Variants in PCDHGA5 observed in about 807,000 individuals in gnomAD.
PCDHGA5 encodes protocadherin gamma subfamily A, 5.
Under a neutral mutation model 56.7 loss-of-function variants are expected in PCDHGA5, and 36 were observed. The ratio of observed to expected loss-of-function variants is 0.64; its 90% CI spans 0.49 to 0.84. PCDHGA5 has a LOEUF of 0.84. PCDHGA5 is among the 40% of genes least tolerant of loss of function. The pLI, the probability that PCDHGA5 is intolerant of heterozygous loss-of-function variation, is 0.00. For missense variants in PCDHGA5, 1,305 were observed against 1,201.5 expected, an observed-to-expected ratio of 1.09 and a Z score of -1.27; for synonymous variants, 563 against 520.2, an observed-to-expected ratio of 1.08 and a Z score of -1.12.
chr5:141,412,357 T>A (rs756056496), intron 1 of PCDHGA5: 17 of 152,366 alleles, frequency 1.1e-4, no homozygotes, highest in Middle Eastern at 3.4e-3. Context: ...TAGTTTGTGA[T>A]TACCTGCTTA....
At chr5:141,415,737 A>G in intron 1 of PCDHGA5, 1 of 574,948 alleles carries the variant, frequency 1.7e-6, no homozygotes, top group Non-Finnish European at 2.5e-6. Flanking sequence ...GATGTTTATT[A>G]AGGTTTTTTT....
chr5:141,482,530 C>CAAAAAAAAAAAAAAAAA (rs3074545), intron 1 of PCDHGA5, among the ~76,000 whole-genome samples: 1 of 76,562 alleles, frequency 1.3e-5, no homozygotes, highest in African/African-American at 4.8e-5. Flanking sequence ...GACAGACATG[C>CAAAAAAAAAAAAAAAAA]AAAAAAAAAA....
In PCDHGA5 at chr5:141,366,588, A is replaced by G. The variant is rs1222422488; in HGVS notation, c.2258A>G (p.Tyr753Cys). ...GGGGTTCGGGCTTTCCTGCAGACCT[A>G]TTCCCACGAGGTCTCCCTCACCGCG... is the stretch of plus-strand genomic sequence containing the variant. ...VDGVRAFLQT[Y>C]SHEVSLTADS... The change falls in exon 1 of 4, where the codon TAT (tyrosine) becomes TGT (cysteine). Residue 753 changes from tyrosine (Y) to cysteine (C), a missense_variant. Coordinates refer to ENST00000518069, the MANE Select transcript of PCDHGA5 (RefSeq NM_018918.3). The G allele has an allele frequency of 6.2e-7, 1 of 1,614,114 alleles. No homozygotes were observed. Among genetic ancestry groups the G allele is most frequent in the African/African-American group, 1.3e-5 (1 of 74,938 alleles).
rs1594492695 is a variant in PCDHGA5 at position 141,485,536 on chromosome 5, A to G, written c.2422-9271A>G. On this transcript the variant is annotated intron_variant, in intron 1 of 3. Transcript: ENST00000518069. The surrounding 1 kb of genome is among the most constrained non-coding windows in gnomAD (Gnocchi z 5.7). ...CTTTGGAAATGTACCGAGCAGAGGTAGAGATCGTAGATGTGAATGATCACG... is the reference window on the plus strand; with the variant it reads ...CTTTGGAAATGTACCGAGCAGAGGTGGAGATCGTAGATGTGAATGATCACG... 3 of 1,613,976 alleles carry G rather than the reference A, an allele frequency of 1.9e-6. No homozygotes were observed. The highest frequency in any genetic ancestry group is 2.5e-6 in the Non-Finnish European group (3 of 1,179,946).
rs1763838303 is a variant in PCDHGA5 at position 141,365,302 on chromosome 5, A to C, written c.972A>C (p.Gly324=). Residue 324 remains glycine, a synonymous_variant, in exon 1 of 4, where the codon GGA becomes GGC. Coordinates refer to ENST00000518069, the MANE Select transcript of PCDHGA5 (RefSeq NM_018918.3). ...FYLMEVVAQD[G]GALVASAKVV... is the part of the protein sequence containing the mutation. ...TCATGGAAGTGGTAGCTCAGGATGGAGGCGCTCTTGTTGCCAGCGCTAAGG... is the reference window on the plus strand; with the variant it reads ...TCATGGAAGTGGTAGCTCAGGATGGCGGCGCTCTTGTTGCCAGCGCTAAGG... 2.5e-6 allele frequency: 4 copies of C among 1,613,872 alleles called. No individual in the cohort carries two copies. The highest frequency in any genetic ancestry group is 2.5e-6 in the Non-Finnish European group (3 of 1,179,904).
At chr5:141,371,581 A>G (rs764497164) in intron 1 of PCDHGA5, 3 of 1,613,936 alleles carry the variant, frequency 1.9e-6, no homozygotes, top group East Asian at 2.2e-5. Context: ...AAAATCGTTC[A>G]AGATACCAAA....
At position 141,486,027 on chromosome 5, in the gene PCDHGA5, C is replaced by A. The variant is rs2099623152; in HGVS notation, c.2422-8780C>A. 2 of 1,614,048 alleles carry A rather than the reference C, an allele frequency of 1.2e-6. No individual in the cohort carries two copies. Among genetic ancestry groups the A allele is most frequent in the African/African-American group, 2.7e-5 (2 of 74,912 alleles). On this transcript the variant is annotated intron_variant, in intron 1 of 3. Coordinates refer to ENST00000518069, the MANE Select transcript of PCDHGA5 (RefSeq NM_018918.3). The surrounding 1 kb of genome is among the most constrained non-coding windows in gnomAD (Gnocchi z 5.0). ...GTCACCTTTTATTTCAGTGGTCATA[C>A]CCCTGATCGTGTAAGAAACCTCTTT...
chr5:141,383,238 A>G (rs1381388622), intron 1 of PCDHGA5: 1 of 1,613,848 alleles, frequency 6.2e-7, no homozygotes, highest in Non-Finnish European at 8.5e-7. Flanking sequence ...TGGAAGATAA[A>G]ATGAATCTTT....
chr5:141,415,577 C>T (rs776744277), intron 1 of PCDHGA5: 3 of 1,613,744 alleles, frequency 1.9e-6, no homozygotes, highest in East Asian at 4.5e-5. Context: ...TTAGATGATT[C>T]GAAGTTTCCT....
chr5:141,428,297 T>G (rs2097131311), intron 1 of PCDHGA5: 5 of 712,160 alleles, frequency 7.0e-6, no homozygotes, highest in Non-Finnish European at 1.2e-5. Flanking sequence ...AAGCTGCAGA[T>G]TTACCTGGTC....
intron 1 of PCDHGA5, among the ~76,000 whole-genome samples, chr5:141,463,618 T>G (rs2099065558): frequency 6.6e-6 from 1 of 151,792 alleles, no homozygotes; most frequent in African/African-American, 2.4e-5. Context: ...CCGGCTAATT[T>G]TTTGTATTTT....
intron 1 of PCDHGA5, chr5:141,389,276 G>A (rs375882135): frequency 8.7e-6 from 14 of 1,613,858 alleles, no homozygotes; most frequent in Admixed American, 1.7e-5. Flanking sequence ...AGAACAACCC[G>A]CCTGGAGCCT....
chr5:141,423,897 T>G, intron 1 of PCDHGA5: 7 of 1,278,866 alleles, frequency 5.5e-6, no homozygotes, highest in Non-Finnish European at 6.9e-6. Flanking sequence ...TTTCTTTTGA[T>G]TTCAAAGGGG....
At chr5:141,459,319 T>G (rs1270005431) in intron 1 of PCDHGA5, among the ~76,000 whole-genome samples, 1 of 152,216 alleles carries the variant, frequency 6.6e-6, no homozygotes, top group Non-Finnish European at 1.5e-5. Context: ...TTTGTATCCA[T>G]CTTCTTTTAC....
rs753944795 is a variant in PCDHGA5 at position 141,366,430 on chromosome 5, C to T, written c.2100C>T (p.Val700=). ...TLYLVVAVAA[V]SCVFLAFVIV... The stretch of plus-strand genomic sequence containing the variant: ...ATCTTGTGGTGGCAGTGGCTGCAGT[C>T]TCCTGCGTCTTCCTGGCCTTCGTCA... Residue 700 remains valine, a synonymous_variant, in exon 1 of 4, where the codon GTC becomes GTT. Transcript: ENST00000518069. 3.7e-6 allele frequency: 6 copies of T among 1,614,174 alleles called. No individual in the cohort carries two copies. The highest frequency in any genetic ancestry group is 4.2e-6 in the Non-Finnish European group (5 of 1,180,052).
Position 141,421,488 on chromosome 5 carries a change from G to A in PCDHGA5, c.2421+54737G>A. On this transcript the variant is annotated intron_variant, in intron 1 of 3. Transcript: ENST00000518069. ...ATCCGCGAAGCGGCAGCTTGATCAC[G>A]GCAGGCAGGATAGACCGGGAGGAGC... The A allele has an allele frequency of 1.9e-6, 3 of 1,614,100 alleles. No homozygotes were observed. In the South Asian group the frequency reaches 3.3e-5, roughly 18 times the overall value.
chr5:141,425,401 T>C (rs1280463432), intron 1 of PCDHGA5, among the ~76,000 whole-genome samples: 1 of 152,234 alleles, frequency 6.6e-6, no homozygotes, highest in Non-Finnish European at 1.5e-5. Context: ...AAAGTTCTGT[T>C]AAGGTATAAC....
At chr5:141,386,155 C>A (rs763846568) in intron 1 of PCDHGA5, among the ~76,000 whole-genome samples, 73 of 152,278 alleles carry the variant, frequency 4.8e-4, no homozygotes, top group Middle Eastern at 3.4e-3. Flanking sequence ...AACTGTCTCA[C>A]GTACTCAAAC....
Position 141,476,129 on chromosome 5 carries a change from G to A in PCDHGA5, c.2422-18678G>A. ...GCTTTTGAGTGAGATGGTCCCAGAG[G>A]CCTGGAGGAGCGGACTGGTAAGCAC... On this transcript the variant is annotated intron_variant, in intron 1 of 3. Transcript: ENST00000518069. This position sits in a 1 kb window ranked among gnomAD's most constrained non-coding sequence, Gnocchi z 7.6. The A allele has an allele frequency of 6.2e-7, 1 of 1,606,848 alleles. No homozygotes were observed. The highest frequency in any genetic ancestry group is 8.5e-7 in the Non-Finnish European group (1 of 1,177,814).
Sources: gnomAD v4.1 joint callset for allele counts (sites outside exome capture counted in the v4.1 genomes callset) on GRCh38, gnomAD v4.1.1 for gene constraint, Gnocchi (gnomAD v3.1) non-coding constraint, MANE v1.5 for transcripts, NCBI Gene and HGNC (gene_info 2026-07-23, HGNC 2026-07-21) for gene names.